PPP2R2D: variants seen among roughly 807,000 people sequenced by gnomAD.
PPP2R2D encodes protein phosphatase 2 regulatory subunit Bdelta.
PPP2R2D carries 9 observed loss-of-function variants against 31.1 expected under a neutral mutation model. That is an observed-to-expected ratio of 0.29 (90% CI 0.17 to 0.51). The LOEUF (loss-of-function observed/expected upper bound fraction) is 0.51. PPP2R2D is among the 20% of genes least tolerant of loss of function. PPP2R2D has a pLI of 0.98. For missense variants in PPP2R2D, 391 were observed against 465.6 expected (o/e 0.84, Z 1.48); for synonymous variants, 179 against 172.6 (o/e 1.04, Z -0.29).
At chr10:131,970,485 G>A in the PPP2R2D span, 1 of 1,158,182 alleles carries the variant, frequency 8.6e-7, no homozygotes, top group Non-Finnish European at 1.2e-6. This position sits in a 1 kb window ranked among gnomAD's most constrained non-coding sequence, Gnocchi z 4.1. Flanking sequence ...GGTGGTTTCT[G>A]GACCTGAACA....
At chr10:131,934,577 A>G (rs1554896187) in intron 3 of PPP2R2D, 22 bp downstream of exon 3, 1 of 769,132 alleles carries the variant, frequency 1.3e-6, no homozygotes, top group Admixed American at 1.8e-5. Context: ...TCAGTCCACA[A>G]ATCAAATGCA....
downstream of PPP2R2D, among the ~76,000 whole-genome samples, chr10:131,961,143 C>A (rs528709533): frequency 2.6e-5 from 4 of 152,322 alleles, no homozygotes; most frequent in African/African-American, 9.6e-5. Flanking sequence ...CACCTTCAGA[C>A]GCTGCCCGCG....
chr10:131,949,201 C>T (rs782426270), intron 8 of PPP2R2D, among the ~76,000 whole-genome samples: 18 of 152,322 alleles, frequency 1.2e-4, no homozygotes, highest in East Asian at 1.9e-4. Context: ...ATGAGCCTCT[C>T]GTTGGCCTGG....
intron 2 of PPP2R2D, among the ~76,000 whole-genome samples, chr10:131,913,655 C>T (rs1280332966): frequency 3.9e-5 from 6 of 152,084 alleles, no homozygotes; most frequent in South Asian, 4.2e-4. Flanking sequence ...TGTCGTTAGG[C>T]GATTTTGGCA....
At chr10:131,921,518 A>G (rs1232235377) in intron 2 of PPP2R2D, among the ~76,000 whole-genome samples, 5 of 152,180 alleles carry the variant, frequency 3.3e-5, no homozygotes, top group East Asian at 3.9e-4. Context: ...TGCAAAGGGG[A>G]GAGAGGGTGG....
At chr10:131,954,900 A>G (rs1025358238) in intron 8 of PPP2R2D, among the ~76,000 whole-genome samples, 1 of 152,224 alleles carries the variant, frequency 6.6e-6, no homozygotes, top group African/African-American at 2.4e-5. Flanking sequence ...GTTTGAACAC[A>G]TCTTTCATCA....
At chr10:131,963,601 T>C (rs2036947788), downstream of PPP2R2D, among the ~76,000 whole-genome samples, 1 of 152,218 alleles carries the variant, frequency 6.6e-6, no homozygotes, top group African/African-American at 2.4e-5. Flanking sequence ...TGCTGCACGG[T>C]GGCATTGCCA....
At chr10:131,926,837 G>A (rs1471026616) in intron 2 of PPP2R2D, among the ~76,000 whole-genome samples, 1 of 152,236 alleles carries the variant, frequency 6.6e-6, no homozygotes, top group Non-Finnish European at 1.5e-5. Context: ...CCTTGCCTCT[G>A]CCCAGCGTGT....
intron 8 of PPP2R2D, among the ~76,000 whole-genome samples, chr10:131,952,791 CA>C (rs1489195470): frequency 1.1e-5 from 1 of 91,608 alleles, no homozygotes; most frequent in African/African-American, 5.0e-5. Context: ...TGCGGGTGTG[CA>C]GGGGGTTCAC....
intron 2 of PPP2R2D, among the ~76,000 whole-genome samples, chr10:131,920,238 G>C (rs1564813286): frequency 6.6e-6 from 1 of 150,596 alleles, no homozygotes; most frequent in African/African-American, 2.5e-5. Context: ...GAATGACACA[G>C]TGTTTGTAGG....
At chr10:131,944,230 C>G (rs542210724) in intron 6 of PPP2R2D, 85 bp downstream of exon 6, 33 of 1,125,790 alleles carry the variant, frequency 2.9e-5, no homozygotes, top group Non-Finnish European at 3.9e-5. Flanking sequence ...ACACCTGTAT[C>G]TCGGAGTCTA....
At chr10:131,922,949 G>C (rs912818177) in intron 2 of PPP2R2D, among the ~76,000 whole-genome samples, 3 of 152,104 alleles carry the variant, frequency 2.0e-5, no homozygotes, top group Admixed American at 2.0e-4. Context: ...AAGTTGTGAG[G>C]CCCTTTTAGT....
At chr10:131,905,987 G>T (rs1015161763) in intron 2 of PPP2R2D, among the ~76,000 whole-genome samples, 3 of 152,352 alleles carry the variant, frequency 2.0e-5, no homozygotes, top group African/African-American at 4.8e-5. Flanking sequence ...AATGATAGAA[G>T]ATTAGTAACA....
At chr10:131,964,974 T>G in the PPP2R2D span, among the ~76,000 whole-genome samples, 1 of 152,206 alleles carries the variant, frequency 6.6e-6, no homozygotes, top group Non-Finnish European at 1.5e-5. Flanking sequence ...TAATTCTGCC[T>G]TATTCACCCT....
In PPP2R2D at chr10:131,945,443, C is replaced by T. The variant is rs202003314; in HGVS notation, c.804C>T (p.Cys268=). 562 of 1,611,892 alleles carry T rather than the reference C, an allele frequency of 3.5e-4. 1 individual carries two copies. Among genetic ancestry groups the T allele is most frequent in the Non-Finnish European group, 4.4e-4 (521 of 1,178,818 alleles). The part of the protein sequence containing the change: ...RLCDMRSSAL[C]DRHSKFFEEP... The stretch of plus-strand genomic sequence containing the variant: ...GTGACATGCGCTCCTCGGCCCTGTG[C>T]GACAGACACTCCAAGTGTAAGTGCG... The change falls in exon 7 of 9, where the codon TGC becomes TGT. Residue 268 remains cysteine (C), a synonymous_variant. Transcript: ENST00000455566. The surrounding 1 kb of genome is among the most constrained non-coding windows in gnomAD (Gnocchi z 4.8).
chr10:131,920,408 G>A (rs2035960539), intron 2 of PPP2R2D, among the ~76,000 whole-genome samples: 1 of 152,112 alleles, frequency 6.6e-6, no homozygotes, highest in African/African-American at 2.4e-5. Context: ...CACAGTGTAG[G>A]GACCTCACGC....
At chr10:131,968,348 A>C in the PPP2R2D span, 3 of 565,374 alleles carry the variant, frequency 5.3e-6, no homozygotes, top group South Asian at 7.0e-5. Context: ...GTGTAATTAT[A>C]GATCAACATG....
intron 2 of PPP2R2D, among the ~76,000 whole-genome samples, chr10:131,932,106 G>A (rs192834237): frequency 3.3e-5 from 5 of 152,218 alleles, no homozygotes; most frequent in South Asian, 2.1e-4. Flanking sequence ...CATGTTCGGC[G>A]GGAGGTCTGA....
At chr10:131,915,460 A>G (rs2035761333) in intron 2 of PPP2R2D, among the ~76,000 whole-genome samples, 1 of 152,098 alleles carries the variant, frequency 6.6e-6, no homozygotes, top group Non-Finnish European at 1.5e-5. Flanking sequence ...ACACTTAACA[A>G]CGGTCCATCT....
Sources: allele counts gnomAD v4.1 joint callset (sites outside exome capture counted in the v4.1 genomes callset), GRCh38; gene constraint gnomAD v4.1.1; non-coding constraint Gnocchi (gnomAD v3.1); transcripts MANE v1.5; gene names NCBI Gene and HGNC (gene_info 2026-07-23, HGNC 2026-07-21).